The following LDLRAD4 variants were observed in gnomAD, a reference collection of about 807,000 sequenced individuals.
LDLRAD4 encodes the protein low-density lipoprotein receptor class A domain-containing protein 4.
Under a neutral mutation model 17.0 loss-of-function variants are expected in LDLRAD4, and 5 were observed. The ratio of observed to expected loss-of-function variants is 0.29; its 90% CI spans 0.15 to 0.62. LDLRAD4 has a LOEUF of 0.62. Ranked by LOEUF, LDLRAD4 falls within the 20% of genes least tolerant of loss-of-function variation. LDLRAD4 has a pLI of 0.84. For synonymous variants in LDLRAD4, 168 were observed against 171.8 expected (o/e 0.98, Z 0.17); for missense variants, 340 against 424.7 (o/e 0.80, Z 1.75).
chr18:13,246,898 A>G (rs1040792315), intron 1 of LDLRAD4, among the ~76,000 whole-genome samples: 3 of 151,894 alleles, frequency 2.0e-5, no homozygotes, highest in Admixed American at 2.0e-4. Flanking sequence ...AACTAGGTTA[A>G]TTTTGTTCCT....
chr18:13,274,029 A>G (rs2044714068), upstream of LDLRAD4, among the ~76,000 whole-genome samples: 1 of 152,154 alleles, frequency 6.6e-6, no homozygotes, highest in South Asian at 2.1e-4. Flanking sequence ...GCCATAGGGT[A>G]TGGCGTGTGA....
At chr18:13,325,675 C>A (rs1298265629) in intron 1 of LDLRAD4, among the ~76,000 whole-genome samples, 1 of 152,258 alleles carries the variant, frequency 6.6e-6, no homozygotes, top group Admixed American at 6.5e-5. Flanking sequence ...GCGCACCCGC[C>A]CGTCTCGGAA....
At chr18:13,258,864 C>T (rs184357302) in intron 1 of LDLRAD4, among the ~76,000 whole-genome samples, 7 of 152,314 alleles carry the variant, frequency 4.6e-5, no homozygotes, top group Admixed American at 4.6e-4. Flanking sequence ...TAGCCTTTTA[C>T]CTCTGTGAAA....
chr18:13,402,313 G>A (rs557629686), intron 2 of LDLRAD4, among the ~76,000 whole-genome samples: 1 of 152,042 alleles, frequency 6.6e-6, no homozygotes, highest in Non-Finnish European at 1.5e-5. Context: ...ACCCTGACCC[G>A]AACTCACACT....
chr18:13,599,990 T>C (rs2095142403), intron 3 of LDLRAD4, among the ~76,000 whole-genome samples: 1 of 152,196 alleles, frequency 6.6e-6, no homozygotes, highest in Non-Finnish European at 1.5e-5. Flanking sequence ...ATATATCTTT[T>C]AAAAATAGAG....
intron 3 of LDLRAD4, among the ~76,000 whole-genome samples, chr18:13,502,837 C>T (rs112156514): frequency 4.3e-4 from 66 of 152,372 alleles, no homozygotes; most frequent in African/African-American, 1.4e-3. Context: ...GAACTTCACC[C>T]GTCTGGTCAC....
intron 3 of LDLRAD4, chr18:13,543,196 A>G (rs1201010814): frequency 1.3e-5 from 2 of 152,168 alleles, no homozygotes; most frequent in African/African-American, 4.8e-5. Flanking sequence ...CAAGCCCACA[A>G]ATGAGCAGTC....
chr18:13,304,569 C>T (rs2046800301), intron 1 of LDLRAD4, among the ~76,000 whole-genome samples: 1 of 152,188 alleles, frequency 6.6e-6, no homozygotes. Context: ...GAAGGTGGTT[C>T]TTTCAGACTC....
At chr18:13,323,545 G>A (rs974768352) in intron 1 of LDLRAD4, among the ~76,000 whole-genome samples, 1 of 152,170 alleles carries the variant, frequency 6.6e-6, no homozygotes, top group South Asian at 2.1e-4. Flanking sequence ...GAGGTGCCAC[G>A]TTTAAGGAGG....
chr18:13,224,554 AC>A (rs911419585), intron 1 of LDLRAD4, among the ~76,000 whole-genome samples: 8 of 119,744 alleles, frequency 6.7e-5, no homozygotes, highest in Non-Finnish European at 9.5e-5. Context: ...ATCTCGGCCC[AC>A]TGTAAGCTCT....
intron 3 of LDLRAD4, among the ~76,000 whole-genome samples, chr18:13,456,354 G>A (rs553878337): frequency 6.6e-6 from 1 of 152,230 alleles, no homozygotes; most frequent in South Asian, 2.1e-4. Context: ...GCCCTCTCTC[G>A]CCTTCCCTCC....
rs192102243 is a variant in LDLRAD4 at position 13,623,409 on chromosome 18, C to T, written c.336+2138C>T. ...CATACAGTGTTCCCCCTGAGAGCTC[C>T]GTTCTGGAGCTGAGCTGGGGCTTGC... On this transcript the variant is annotated intron_variant, in intron 4 of 5. Transcript: ENST00000359446. Among the ~76,000 whole-genome samples, 248 of 152,350 alleles carry T rather than the reference C, an allele frequency of 1.6e-3. 1 individual carries two copies. The highest frequency in any genetic ancestry group is 2.9e-3 in the Non-Finnish European group (196 of 68,038).
chr18:13,539,805 AT>A (rs749338443), intron 3 of LDLRAD4, among the ~76,000 whole-genome samples: 9 of 152,214 alleles, frequency 5.9e-5, no homozygotes, highest in Non-Finnish European at 7.3e-5. Context: ...TCTAATTATA[AT>A]TCTTCTTTCA....
At chr18:13,359,712 C>T (rs2083548297) in intron 1 of LDLRAD4, among the ~76,000 whole-genome samples, 1 of 152,180 alleles carries the variant, frequency 6.6e-6, no homozygotes, top group African/African-American at 2.4e-5. Context: ...TGGATTTGGT[C>T]TTATCATCAC....
At chr18:13,605,109 A>G (rs1239083817) in intron 3 of LDLRAD4, among the ~76,000 whole-genome samples, 2 of 152,236 alleles carry the variant, frequency 1.3e-5, no homozygotes, top group Admixed American at 6.5e-5. Context: ...GAGTTTGTCC[A>G]GAGCGCAGAA....
At chr18:13,410,181 T>C (rs950496194) in intron 2 of LDLRAD4, among the ~76,000 whole-genome samples, 1 of 151,828 alleles carries the variant, frequency 6.6e-6, no homozygotes, top group African/African-American at 2.4e-5. Flanking sequence ...TGACATGGCA[T>C]GGGGGGCGCT....
upstream of LDLRAD4, among the ~76,000 whole-genome samples, chr18:13,277,551 A>C (rs1051420394): frequency 3.3e-5 from 5 of 152,236 alleles, no homozygotes; most frequent in African/African-American, 1.2e-4. Context: ...AGGTAAAGGC[A>C]GCCTTGCAGG....
intron 1 of LDLRAD4, among the ~76,000 whole-genome samples, chr18:13,225,190 G>A (rs369280071): frequency 5.6e-4 from 86 of 152,332 alleles, no homozygotes; most frequent in African/African-American, 1.9e-3. Context: ...GCATATTGAC[G>A]TGTACGTCCT....
chr18:13,328,051 C>G (rs569193291), intron 1 of LDLRAD4, among the ~76,000 whole-genome samples: 4 of 152,154 alleles, frequency 2.6e-5, no homozygotes, highest in Non-Finnish European at 2.9e-5. Flanking sequence ...CTCCTCCCTG[C>G]GGGCTAGAAG....
Sources: gnomAD v4.1 joint callset for allele counts (sites outside exome capture counted in the v4.1 genomes callset) on GRCh38, gnomAD v4.1.1 for gene constraint, MANE v1.5 for transcripts, NCBI Gene and HGNC (gene_info 2026-07-23, HGNC 2026-07-21) for gene names.